The following NCAM1 variants were observed in gnomAD, a reference collection of about 807,000 sequenced individuals.
NCAM1 encodes the protein antigen recognized by monoclonal antibody 5.1H11.
In NCAM1, 14 loss-of-function variants were observed where a neutral mutation model predicts 109.8. The observed-to-expected ratio is 0.13, with a 90% confidence interval of 0.08 to 0.20. The LOEUF (loss-of-function observed/expected upper bound fraction) is 0.20. NCAM1 is among the 10% of genes least tolerant of loss of function. The pLI is 1.00. For missense variants in NCAM1, 774 were observed against 1,109.9 expected (o/e 0.70, Z 4.30); for synonymous variants, 418 against 442.9 (o/e 0.94, Z 0.70).
At chr11:113,077,644 C>T (rs1331372232) in intron 1 of NCAM1, among the ~76,000 whole-genome samples, 1 of 151,890 alleles carries the variant, frequency 6.6e-6, no homozygotes, top group African/African-American at 2.4e-5. Flanking sequence ...TCCTCATGTC[C>T]TGCATAGCTC....
At chr11:113,247,330 C>T (rs1046622704) in intron 15 of NCAM1, among the ~76,000 whole-genome samples, 3 of 152,164 alleles carry the variant, frequency 2.0e-5, no homozygotes, top group Non-Finnish European at 2.9e-5. Context: ...ACATGGATCA[C>T]GAAAGCAAAA....
At chr11:113,231,377 A>G (rs1276086332) in intron 9 of NCAM1, 5 of 1,323,496 alleles carry the variant, frequency 3.8e-6, no homozygotes, top group Non-Finnish European at 5.2e-6. Flanking sequence ...GCCCCAAACC[A>G]ATCTTGGTAC....
chr11:113,105,979 C>T (rs1197925551), intron 1 of NCAM1, among the ~76,000 whole-genome samples: 1 of 152,024 alleles, frequency 6.6e-6, no homozygotes, highest in African/African-American at 2.4e-5. Context: ...GTTTTGTCAT[C>T]ACCAAAAACT....
intron 2 of NCAM1, among the ~76,000 whole-genome samples, chr11:113,203,255 C>T (rs781948940): frequency 5.3e-5 from 8 of 152,172 alleles, no homozygotes; most frequent in Non-Finnish European, 8.8e-5. Flanking sequence ...TTTGCGTGGA[C>T]GAGGTGGCTT....
intron 14 of NCAM1, among the ~76,000 whole-genome samples, chr11:113,245,251 G>C (rs535880713): frequency 5.5e-4 from 83 of 152,224 alleles, no homozygotes; most frequent in Non-Finnish European, 1.0e-3. Flanking sequence ...GCCCAGCGGG[G>C]CCAACAGGGC....
At chr11:113,046,336 C>A (rs987623065) in intron 1 of NCAM1, among the ~76,000 whole-genome samples, 1 of 152,202 alleles carries the variant, frequency 6.6e-6, no homozygotes, top group Non-Finnish European at 1.5e-5. Context: ...GGGCTTTGAA[C>A]ACAGGCAGTC....
chr11:113,104,207 T>TGG (rs1345382907), intron 1 of NCAM1, among the ~76,000 whole-genome samples: 169 of 19,256 alleles, frequency 8.8e-3, no homozygotes, highest in South Asian at 0.017. Context: ...GGAGGTGGGG[T>TGG]GGGGGGGGGG....
chr11:113,271,469 T>A (rs916224254), intron 18 of NCAM1, among the ~76,000 whole-genome samples: 1 of 151,868 alleles, frequency 6.6e-6, no homozygotes, highest in Non-Finnish European at 1.5e-5. Flanking sequence ...CAATGATCTG[T>A]GTCAGGCACT....
At position 113,277,108 on chromosome 11, in the gene NCAM1, T is replaced by A. The variant is rs1169988813; in HGVS notation, c.*1721T>A. The A allele has an allele frequency of 1.6e-5, 6 of 381,516 alleles. No individual in the cohort carries two copies. In the Admixed American group the frequency reaches 2.7e-4, roughly 17 times the overall value. 23.6% of individuals were successfully genotyped at this position (381,516 alleles called of 1,614,324 possible). A position where few individuals can be genotyped will look rare whatever the true frequency, so the allele number is the denominator to read the frequency against. The stretch of plus-strand genomic sequence containing the variant: ...AATGAAATACAGATGATGATGATGA[T>A]GATGAAGATGATGCTAAGTAAACAG... On this transcript the variant is annotated 3_prime_UTR_variant, in exon 20 of 20. Transcript: ENST00000316851.
intron 8 of NCAM1, among the ~76,000 whole-genome samples, chr11:113,220,188 G>C (rs1555115019): frequency 6.6e-6 from 1 of 152,128 alleles, no homozygotes; most frequent in East Asian, 1.9e-4. Context: ...CCAAGTGCTG[G>C]AGAAATAAAA....
chr11:113,084,487 C>G (rs548575450), intron 1 of NCAM1, among the ~76,000 whole-genome samples: 3 of 152,148 alleles, frequency 2.0e-5, no homozygotes, highest in African/African-American at 7.2e-5. Flanking sequence ...TCAGGATTGT[C>G]TTATCATTGA....
At position 113,178,482 on chromosome 11, in the gene NCAM1, G is replaced by A. The variant is rs186096108; in HGVS notation, c.53-23897G>A. 8.5e-5 allele frequency among the ~76,000 whole-genome samples: 13 copies of A among 152,352 alleles called. No homozygotes were observed. In the East Asian group the frequency reaches 2.3e-3, roughly 27 times the overall value. ...GGTGGCACATGCCAACCGTCTGGAA[G>A]TGTGACAGTGCATCCAGGCTGGTCT... On this transcript the variant is annotated intron_variant, in intron 1 of 19. Transcript: ENST00000316851.
intron 17 of NCAM1, among the ~76,000 whole-genome samples, chr11:113,261,177 A>G (rs1004170491): frequency 1.9e-4 from 29 of 151,436 alleles, no homozygotes; most frequent in African/African-American, 6.6e-4. Context: ...TGGTGGGAAG[A>G]CGGCCTTGGG....
At chr11:113,213,705 A>G (rs1944451531) in intron 7 of NCAM1, among the ~76,000 whole-genome samples, 1 of 152,174 alleles carries the variant, frequency 6.6e-6, no homozygotes, top group Non-Finnish European at 1.5e-5. Flanking sequence ...CCCTCAAACA[A>G]CCTTGTTCAG....
In NCAM1 at chr11:113,190,789, G is replaced by T. The variant is rs139348592; in HGVS notation, c.53-11590G>T. 1.8e-4 allele frequency among the ~76,000 whole-genome samples: 27 copies of T among 152,262 alleles called. No individual in the cohort carries two copies. In the South Asian group the frequency reaches 3.5e-3, roughly 20 times the overall value. The stretch of plus-strand genomic sequence containing the variant: ...TAGCAGGTCAGGCACCATCTGATCT[G>T]GTGTGACAGTGGTTGTGGGGGTGGG... On this transcript the variant is annotated intron_variant, in intron 1 of 19. Transcript: ENST00000316851.
At chr11:112,990,853 C>A (rs915904651) in intron 1 of NCAM1, among the ~76,000 whole-genome samples, 1 of 152,126 alleles carries the variant, frequency 6.6e-6, no homozygotes, top group South Asian at 2.1e-4. Context: ...TTCTCCTAGG[C>A]CTTGTGCTCC....
chr11:113,156,626 A>C (rs1163036968), intron 1 of NCAM1, among the ~76,000 whole-genome samples: 2 of 152,172 alleles, frequency 1.3e-5, no homozygotes, highest in African/African-American at 2.4e-5. Flanking sequence ...AAGAGAAAGC[A>C]ATAATCTTGA....
chr11:113,219,399 A>G lies in NCAM1; in HGVS notation c.1060-1897A>G, dbSNP rs573327615. On this transcript the variant is annotated intron_variant, in intron 8 of 19. Transcript: ENST00000316851. Reference sequence around the variant, plus strand: ...GCACATGAATAATGGAATACCTAAGAAAACTATAGAAATGCTTCACTTTAT... The same window carrying G: ...GCACATGAATAATGGAATACCTAAGGAAACTATAGAAATGCTTCACTTTAT... Among the ~76,000 whole-genome samples, 4 of 152,358 alleles carry G rather than the reference A, an allele frequency of 2.6e-5. No homozygotes were observed. The South Asian group carries it at 8.3e-4, about 32-fold the overall frequency.
At chr11:112,977,012 T>G (rs1951026269) in intron 1 of NCAM1, among the ~76,000 whole-genome samples, 1 of 151,752 alleles carries the variant, frequency 6.6e-6, no homozygotes, top group African/African-American at 2.4e-5. Context: ...TGATACTTTG[T>G]GGGTGAAGAC....
Sources: allele counts gnomAD v4.1 joint callset (sites outside exome capture counted in the v4.1 genomes callset), GRCh38; gene constraint gnomAD v4.1.1; transcripts MANE v1.5; gene names NCBI Gene and HGNC (gene_info 2026-07-23, HGNC 2026-07-21).